Variants in KCNG3 observed in about 807,000 individuals in gnomAD.
The protein encoded by KCNG3 is voltage-gated potassium channel regulatory subunit KCNG3.
In KCNG3, 15 loss-of-function variants were observed where a neutral mutation model predicts 29.0. That is an observed-to-expected ratio of 0.52 (90% CI 0.35 to 0.80). KCNG3 has a LOEUF of 0.80. Among genes scored for constraint, KCNG3 ranks in the 30% least tolerant of loss-of-function variants. The pLI, the probability that KCNG3 is intolerant of heterozygous loss-of-function variation, is 0.01. For synonymous variants in KCNG3, 322 were observed against 248.9 expected (o/e 1.29, Z -2.76); for missense variants, 512 against 605.7 (o/e 0.85, Z 1.62).
intron 1 of KCNG3, among the ~76,000 whole-genome samples, chr2:42,482,540 C>T (rs554914024): frequency 2.6e-5 from 4 of 152,188 alleles, no homozygotes; most frequent in East Asian, 1.9e-4. Flanking sequence ...CTAGCCAACA[C>T]GGTGAAACTC....
intron 1 of KCNG3, among the ~76,000 whole-genome samples, chr2:42,458,164 C>T (rs774368004): frequency 3.3e-5 from 5 of 152,128 alleles, no homozygotes; most frequent in African/African-American, 1.2e-4. Context: ...GGCAGGACAA[C>T]GATAATGATG....
At chr2:42,429,058 G>A in the KCNG3 span, among the ~76,000 whole-genome samples, 1 of 152,116 alleles carries the variant, frequency 6.6e-6, no homozygotes, top group Non-Finnish European at 1.5e-5. Context: ...GGGGGAGGTT[G>A]CGGTGAGCCA....
chr2:42,467,827 C>G (rs1673180307), intron 1 of KCNG3, among the ~76,000 whole-genome samples: 1 of 151,840 alleles, frequency 6.6e-6, no homozygotes, highest in Non-Finnish European at 1.5e-5. Context: ...AAAAATTAGC[C>G]AGGCATGGTA....
At chr2:42,411,362 G>T in the KCNG3 span, among the ~76,000 whole-genome samples, 8 of 152,246 alleles carry the variant, frequency 5.3e-5, no homozygotes, top group Middle Eastern at 3.4e-3. Flanking sequence ...TTAAGTTAGA[G>T]AACTGAAGTC....
rs150626320 is a variant in KCNG3 at position 42,492,386 on chromosome 2, G to A, written c.665+451C>T. Among the ~76,000 whole-genome samples the A allele has an allele frequency of 9.8e-5, 15 of 152,328 alleles. No individual in the cohort carries two copies. The East Asian group carries it at 2.5e-3, about 25-fold the overall frequency. ...GCCGGGGGCAGAGTGTATAGAATGT[G>A]TGGAGAGTGCACATTTCACCATAAC... On this transcript the variant is annotated intron_variant, in intron 1 of 1. Transcript: ENST00000306078.
intron 1 of KCNG3, among the ~76,000 whole-genome samples, chr2:42,480,649 T>G (rs1673558755): frequency 6.6e-6 from 1 of 151,988 alleles, no homozygotes; most frequent in Non-Finnish European, 1.5e-5. Flanking sequence ...TCAATTTTTT[T>G]TCAACATTTA....
the KCNG3 span, among the ~76,000 whole-genome samples, chr2:42,429,489 T>C: frequency 6.6e-6 from 1 of 152,248 alleles, no homozygotes; most frequent in Non-Finnish European, 1.5e-5. Context: ...CTCTTGAGTA[T>C]ACCAGACAGG....
the KCNG3 span, among the ~76,000 whole-genome samples, chr2:42,422,462 C>T: frequency 1.4e-4 from 21 of 152,094 alleles, no homozygotes; most frequent in South Asian, 2.1e-3. Context: ...TTACCCTGTC[C>T]GTGGTATTCT....
At chr2:42,457,513 T>C (rs1672904404) in intron 1 of KCNG3, among the ~76,000 whole-genome samples, 1 of 151,072 alleles carries the variant, frequency 6.6e-6, no homozygotes, top group Non-Finnish European at 1.5e-5. Flanking sequence ...GAGAAGTAAC[T>C]AGATCATGTC....
At position 42,461,334 on chromosome 2, in the gene KCNG3, TG is replaced by T. The variant is rs546886403; in HGVS notation, c.666-16756del. On this transcript the variant is annotated intron_variant, in intron 1 of 1. Transcript: ENST00000306078. ...TTTCCTTAGCTCTGAACTGGCTCCA[TG>T]GACAAACCAGAGGTGTTTCTGTGTG... Among the ~76,000 whole-genome samples, 709 of 152,162 alleles carry T rather than the reference TG, an allele frequency of 4.7e-3. 1 individual carries two copies. Among genetic ancestry groups the T allele is most frequent in the Non-Finnish European group, 5.0e-3 (337 of 68,002 alleles).
the KCNG3 span, among the ~76,000 whole-genome samples, chr2:42,393,478 T>A: frequency 6.6e-6 from 1 of 151,860 alleles, no homozygotes; most frequent in Non-Finnish European, 1.5e-5. Context: ...GGAGAACTGA[T>A]TAAACCCAGG....
intron 1 of KCNG3, among the ~76,000 whole-genome samples, chr2:42,478,715 CCTT>C (rs1192804575): frequency 2.0e-5 from 3 of 152,164 alleles, no homozygotes; most frequent in African/African-American, 7.2e-5. Context: ...CACCATCTCA[CCTT>C]CTCTCATAGA....
rs1449440492 is a variant in KCNG3, at chr2:42,443,033, T to A, written c.*901A>T. 1 of 152,212 alleles carries A rather than the reference T, an allele frequency of 6.6e-6. No individual in the cohort carries two copies. The highest frequency in any genetic ancestry group is 1.5e-5 in the Non-Finnish European group (1 of 68,024). The allele number at this position is 152,212 out of a possible 1,614,324, so 9.4% of individuals were successfully genotyped here. A position where few individuals can be genotyped will look rare whatever the true frequency, so the allele number is the denominator to read the frequency against. On this transcript the variant is annotated 3_prime_UTR_variant, in exon 2 of 2. Transcript: ENST00000306078. ...ATATCCTTTCATCTGATAAGTCTTATTAAACCTCTAGTGTTTGGGGGAGGA... is the reference window on the plus strand; with the variant it reads ...ATATCCTTTCATCTGATAAGTCTTAATAAACCTCTAGTGTTTGGGGGAGGA...
chr2:42,481,502 A>G (rs1294831180), intron 1 of KCNG3, among the ~76,000 whole-genome samples: 1 of 152,194 alleles, frequency 6.6e-6, no homozygotes, highest in Non-Finnish European at 1.5e-5. Context: ...CCACATGCAG[A>G]CCAAAGCGAC....
chr2:42,452,137 G>A (rs914273892), intron 1 of KCNG3, among the ~76,000 whole-genome samples: 9 of 150,144 alleles, frequency 6.0e-5, no homozygotes, highest in African/African-American at 2.2e-4. Flanking sequence ...TACGTAGTAG[G>A]TGTATATATT....
intron 1 of KCNG3, among the ~76,000 whole-genome samples, chr2:42,466,902 G>A (rs1293370012): frequency 6.6e-6 from 1 of 151,690 alleles, no homozygotes; most frequent in East Asian, 1.9e-4. Flanking sequence ...ACAGGCACTT[G>A]CCACCACGTC....
At position 42,452,855 on chromosome 2, in the gene KCNG3, C is replaced by T. The variant is rs188480601; in HGVS notation, c.666-8276G>A. Among the ~76,000 whole-genome samples the T allele has an allele frequency of 9.1e-4, 138 of 152,294 alleles. 2 individuals are homozygous for T. In the Middle Eastern group the frequency reaches 0.014, roughly 15 times the overall value. ...GGGGTGCAGTGGTGTGATCTAGACT[C>T]ACTGCAACCTGCGCCTCCAGGGTTC... On this transcript the variant is annotated intron_variant, in intron 1 of 1. Coordinates refer to ENST00000306078, the MANE Select transcript of KCNG3 (RefSeq NM_133329.6).
chr2:42,481,588 G>A (rs1445954025), intron 1 of KCNG3, among the ~76,000 whole-genome samples: 1 of 152,048 alleles, frequency 6.6e-6, no homozygotes, highest in Non-Finnish European at 1.5e-5. Flanking sequence ...CTTAACAAAT[G>A]GTAAAAAGAA....
intron 1 of KCNG3, among the ~76,000 whole-genome samples, chr2:42,486,680 C>T (rs187377711): frequency 3.3e-5 from 5 of 152,342 alleles, no homozygotes; most frequent in Admixed American, 2.0e-4. Context: ...GAACACTCTT[C>T]TCACTCAACT....
Sources: allele counts gnomAD v4.1 joint callset (sites outside exome capture counted in the v4.1 genomes callset), GRCh38; gene constraint gnomAD v4.1.1; transcripts MANE v1.5; gene names NCBI Gene and HGNC (gene_info 2026-07-23, HGNC 2026-07-21).